Variants in ARAP3 observed in about 807,000 individuals in gnomAD.
The protein encoded by ARAP3 is arf-GAP with Rho-GAP domain, ANK repeat and PH domain-containing protein 3.
In ARAP3, 82 loss-of-function variants were observed where a neutral mutation model predicts 169.2. The observed-to-expected ratio is 0.48, with a 90% CI of 0.41 to 0.58. ARAP3 has a LOEUF of 0.58. Ranked by LOEUF, ARAP3 falls within the 20% of genes least tolerant of loss-of-function variation. The pLI, the probability that ARAP3 is intolerant of heterozygous loss-of-function variation, is 0.00. For synonymous variants in ARAP3, 791 were observed against 800.3 expected, an observed-to-expected ratio of 0.99 and a Z score of 0.20; for missense variants, 1,764 against 2,018.0, an observed-to-expected ratio of 0.87 and a Z score of 2.41.
intron 16 of ARAP3, among the ~76,000 whole-genome samples, chr5:141,667,770 G>A (rs373709376): frequency 8.6e-5 from 13 of 150,654 alleles, no homozygotes; most frequent in Admixed American, 2.6e-4. Flanking sequence ...GGCCAGGTGC[G>A]GTGGCTCAAG....
chr5:141,656,683 A>G, intron 26 of ARAP3, 35 bp downstream of exon 26: 1 of 1,613,080 alleles, frequency 6.2e-7, no homozygotes. Context: ...TAGGGGAGAG[A>G]CCTGGGGGAT....
At position 141,653,833 on chromosome 5, in the gene ARAP3, C is replaced by G; in HGVS notation, c.*117G>C. The G allele has an allele frequency of 7.1e-7, 1 of 1,410,278 alleles. No individual in the cohort carries two copies. Among genetic ancestry groups the G allele is most frequent in the Non-Finnish European group, 9.5e-7 (1 of 1,054,750 alleles). The allele number at this position is 1,410,278 out of a possible 1,614,324, so 87.4% of individuals were successfully genotyped here. A position where few individuals can be genotyped will look rare whatever the true frequency, so the allele number is the denominator to read the frequency against. ...AGCCTTTAGTCCAGTGCTCCTTCCA[C>G]AGCACCACACTGGATTCTGGAGTCT... is the stretch of plus-strand genomic sequence containing the variant. On this transcript the variant is annotated 3_prime_UTR_variant, in exon 33 of 33. Coordinates refer to ENST00000239440, the MANE Select transcript of ARAP3 (RefSeq NM_022481.6).
intron 21 of ARAP3, among the ~76,000 whole-genome samples, chr5:141,661,337 A>G (rs2099909941): frequency 6.6e-6 from 1 of 152,222 alleles, no homozygotes; most frequent in East Asian, 1.9e-4. Flanking sequence ...TGTTGGGATT[A>G]CAGGTGTGAG....
rs1182491906 is a variant in ARAP3 at position 141,653,932 on chromosome 5, A to C, written c.*18T>G. The C allele has an allele frequency of 6.6e-7, 1 of 1,512,692 alleles. No individual in the cohort carries two copies. Among genetic ancestry groups the C allele is most frequent in the Non-Finnish European group, 8.8e-7 (1 of 1,131,452 alleles). The allele number at this position is 1,512,692 out of a possible 1,614,324, so 93.7% of individuals were successfully genotyped here. On this transcript the variant is annotated 3_prime_UTR_variant, in exon 33 of 33. Coordinates refer to ENST00000239440, the MANE Select transcript of ARAP3 (RefSeq NM_022481.6). ...TGGGTCTTCTGGTACCTACCCTCTC[A>C]GACTGCTGGTCCTAGGGTCATGTGA...
At chr5:141,660,265 G>T (rs2099909764) in intron 21 of ARAP3, among the ~76,000 whole-genome samples, 2 of 152,262 alleles carry the variant, frequency 1.3e-5, no homozygotes, top group South Asian at 4.1e-4. Context: ...GGCCGAGGCA[G>T]GCGGATCACG....
Position 141,664,933 on chromosome 5 carries a change from A to T in ARAP3, c.2789T>A (p.Val930Asp). 1 of 1,533,634 alleles carries T rather than the reference A, an allele frequency of 6.5e-7. No individual in the cohort carries two copies. Among genetic ancestry groups the T allele is most frequent in the Non-Finnish European group, 8.8e-7 (1 of 1,131,780 alleles). Residue 930 changes from valine (V) to aspartate (D), a missense_variant, in exon 19 of 33, where the codon GTT (valine) becomes GAT (aspartate). Val to Asp is a radical substitution (Grantham distance 152, BLOSUM62 -3). Transcript: ENST00000239440. The part of the protein sequence containing the change: ...PIIVDACISF[V>D]TQHGLRLEGV... ...CAGTGCCTACTCACCATGCTGGGTAACAAAACTGATGCAGGCATCCACGAT... is the reference window on the plus strand; with the variant it reads ...CAGTGCCTACTCACCATGCTGGGTATCAAAACTGATGCAGGCATCCACGAT...
chr5:141,656,806 A>G lies in ARAP3; in HGVS notation c.3567T>C (p.Ala1189=), dbSNP rs1172208364. The change falls in exon 26 of 33, where the codon GCT becomes GCC. Residue 1189 remains alanine, a synonymous_variant. Transcript: ENST00000239440. ...LHPKEKVLEQ[A]LQWCQLPEPC... ...GCTCTGGGAGCTGGCACCATTGTAA[A>G]GCCTGCTCTAAGACCTTTTCCTTGG... The G allele has an allele frequency of 1.6e-5, 26 of 1,613,088 alleles. No homozygotes were observed. The highest frequency in any genetic ancestry group is 2.2e-5 in the Non-Finnish European group (26 of 1,179,664).
chr5:141,659,347 A>T, intron 23 of ARAP3, 61 bp downstream of exon 23: 1 of 1,513,160 alleles, frequency 6.6e-7, no homozygotes, highest in Non-Finnish European at 9.2e-7. Flanking sequence ...GCAGAAAGTC[A>T]GCTTCCTGTC....
At position 141,670,613 on chromosome 5, in the gene ARAP3, A is replaced by G; in HGVS notation, c.2006T>C (p.Val669Ala). ...AGCACGCACCACCACCTCATTGTAC[A>G]CACCAGGGGAGGGGTCTGCAAGGGG... ...GLLPSDPSPG[V>A]YNEVVVRATY... The change falls in exon 14 of 33, where the codon GTG becomes GCG. Residue 669 changes from valine (V) to alanine (A), a missense_variant. Transcript: ENST00000239440. 1 of 1,613,860 alleles carries G rather than the reference A, an allele frequency of 6.2e-7. No homozygotes were observed.
At position 141,665,023 on chromosome 5, in the gene ARAP3, C is replaced by A; in HGVS notation, c.2699G>T (p.Gly900Val). The A allele has an allele frequency of 6.2e-7, 1 of 1,614,006 alleles. No individual in the cohort carries two copies. Among genetic ancestry groups the A allele is most frequent in the Non-Finnish European group, 8.5e-7 (1 of 1,179,988 alleles). The change falls in exon 19 of 33, where the codon GGC becomes GTC. Residue 900 changes from glycine to valine, a missense_variant. Around this residue, in one of 3 missense-constraint regions of ARAP3, gnomAD observed 1,112 missense variants for 1,285.7 expected, o/e 0.86. Transcript: ENST00000239440. ...DFTAWNAAIG[G>V]AAGGGGTGLQ... ...CCCTGTGCCGCCCCCACCAGCCGCG[C>A]CCCCAATGGCTGCGTTCCATGCCGT... is the stretch of plus-strand genomic sequence containing the variant.
rs1424526121 is a variant in ARAP3 at position 141,654,371 on chromosome 5, T to C, written c.4214A>G (p.Glu1405Gly). The part of the protein sequence containing the change: ...QEELEEPVYE[E>G]PVYEEVGAFP... Reference sequence around the variant, plus strand: ...GGCCCCTACTTCCTCATACACTGGCTCCTCGTACACAGGCTCCTCCAGCTC... The same window carrying C: ...GGCCCCTACTTCCTCATACACTGGCCCCTCGTACACAGGCTCCTCCAGCTC... The change falls in exon 33 of 33, where the codon GAG becomes GGG. Residue 1405 changes from glutamate (E) to glycine (G), a missense_variant. Glu to Gly is a moderately conservative substitution (Grantham distance 98). This residue lies in a region of ARAP3 where 1,112 missense variants were observed against 1,285.7 expected (regional missense o/e 0.86). Coordinates refer to ENST00000239440, the MANE Select transcript of ARAP3 (RefSeq NM_022481.6). The C allele has an allele frequency of 3.7e-6, 6 of 1,613,434 alleles. No individual in the cohort carries two copies. Among genetic ancestry groups the C allele is most frequent in the African/African-American group, 1.3e-5 (1 of 74,870 alleles).
chr5:141,655,690 G>A lies in ARAP3; in HGVS notation c.4041C>T (p.Gly1347=). 7.4e-6 allele frequency: 12 copies of A among 1,614,216 alleles called. No individual in the cohort carries two copies. Among genetic ancestry groups the A allele is most frequent in the Non-Finnish European group, 1.0e-5 (12 of 1,180,050 alleles). ...CACGGATAGGCAGCAAAGGCATAGT[G>A]CCAAACTTCTGACGGGCAAGGTCAG... ...SSSDLARQKF[G]TMPLLPIRGD... is the part of the protein sequence containing the mutation. Residue 1347 remains glycine, a synonymous_variant, in exon 31 of 33, where the codon GGC becomes GGT. Coordinates refer to ENST00000239440, the MANE Select transcript of ARAP3 (RefSeq NM_022481.6).
intron 1 of ARAP3, chr5:141,680,817 C>G: frequency 2.8e-6 from 1 of 363,308 alleles, no homozygotes; most frequent in East Asian, 5.2e-5. Flanking sequence ...AAGCTCTGCT[C>G]CTGCCTGACT....
chr5:141,681,495 A>G (rs2099912966), intron 1 of ARAP3, among the ~76,000 whole-genome samples: 1 of 150,294 alleles, frequency 6.7e-6, no homozygotes, highest in Non-Finnish European at 1.5e-5. Context: ...GGTCTATTTC[A>G]TAGACCTGTC....
intron 27 of ARAP3, 65 bp from the exon 28 acceptor site, chr5:141,656,341 G>C (rs577518826): frequency 6.2e-7 from 1 of 1,601,234 alleles, no homozygotes; most frequent in South Asian, 1.1e-5. Context: ...AGGTCAAGAC[G>C]TCATGGAAGC....
chr5:141,681,880 C>T (rs2099913044), intron 1 of ARAP3, among the ~76,000 whole-genome samples: 1 of 152,054 alleles, frequency 6.6e-6, no homozygotes, highest in Admixed American at 6.5e-5. Context: ...GACTCAGGGC[C>T]CGGTTTCCCG....
rs2099912696 is a variant in ARAP3, at chr5:141,679,634, G to C, written c.609C>G (p.Cys203Trp). The change falls in exon 4 of 33, where the codon TGC becomes TGG. Residue 203 changes from cysteine (C) to tryptophan (W), a missense_variant. Cys to Trp is a radical substitution (Grantham distance 215, BLOSUM62 -2). Transcript: ENST00000239440. Reference sequence around the variant, plus strand: ...CCACAGGTTGGACACCATAGTACAGGCAACCAGGATCCATGATGTGCACTG... The same window carrying C: ...CCACAGGTTGGACACCATAGTACAGCCAACCAGGATCCATGATGTGCACTG... ...TGTVHIMDPG[C>W]LYYGVQPVGT... The C allele has an allele frequency of 2.5e-6, 4 of 1,614,132 alleles. No individual in the cohort carries two copies. Among genetic ancestry groups the C allele is most frequent in the Non-Finnish European group, 3.4e-6 (4 of 1,180,028 alleles).
At position 141,653,769 on chromosome 5, in the gene ARAP3, A is replaced by C. The variant is rs1387184998; in HGVS notation, c.*181T>G. 1.4e-6 allele frequency: 1 copy of C among 705,660 alleles called. No individual in the cohort carries two copies. The highest frequency in any genetic ancestry group is 2.1e-6 in the Non-Finnish European group (1 of 471,542). The allele number at this position is 705,660 out of a possible 1,614,324, so 43.7% of individuals were successfully genotyped here. A position where few individuals can be genotyped will look rare whatever the true frequency, so the allele number is the denominator to read the frequency against. ...GTATAGATAAATGGGCTGGGCCCAG[A>C]GAGGGGCCATGACCTGTCCTGGGAC... On this transcript the variant is annotated 3_prime_UTR_variant, in exon 33 of 33. Transcript: ENST00000239440.
chr5:141,659,996 G>T, intron 21 of ARAP3, 70 bp from the exon 22 acceptor site: 4 of 1,493,642 alleles, frequency 2.7e-6, no homozygotes, highest in Non-Finnish European at 3.6e-6. Context: ...AGTCCCTATT[G>T]TATGCCTGGG....
Sources: gnomAD v4.1 joint callset for allele counts (sites outside exome capture counted in the v4.1 genomes callset) on GRCh38, gnomAD v4.1.1 for gene constraint, gnomAD v4.1.1 regional missense constraint, MANE v1.5 for transcripts, NCBI Gene and HGNC (gene_info 2026-07-23, HGNC 2026-07-21) for gene names.